ASIC2: variants seen among roughly 807,000 people sequenced by gnomAD.
ASIC2 encodes the protein acid-sensing ion channel 2.
Under a neutral mutation model 57.3 loss-of-function variants are expected in ASIC2, and 25 were observed. The observed-to-expected ratio is 0.44, with a 90% confidence interval of 0.32 to 0.61. The LOEUF is 0.61. Ranked by LOEUF, ASIC2 falls within the 20% of genes least tolerant of loss-of-function variation. ASIC2 has a pLI of 0.06. For missense variants in ASIC2, 641 were observed against 738.1 expected (o/e 0.87, Z 1.52); for synonymous variants, 319 against 307.5 (o/e 1.04, Z -0.39).
intron 1 of ASIC2, among the ~76,000 whole-genome samples, chr17:33,190,269 TAAAATAAA>T (rs1300951816): frequency 6.6e-6 from 1 of 152,090 alleles, no homozygotes; most frequent in Non-Finnish European, 1.5e-5. Context: ...GGTTGGAAAT[TAAAATAAA>T]AAACCATTTA....
chr17:33,869,630 C>A (rs564582561), intron 1 of ASIC2, among the ~76,000 whole-genome samples: 1 of 152,018 alleles, frequency 6.6e-6, no homozygotes, highest in Non-Finnish European at 1.5e-5. Flanking sequence ...AGTAAAAGAA[C>A]AAAGTTAGAA....
intron 1 of ASIC2, among the ~76,000 whole-genome samples, chr17:33,924,600 G>A (rs995314418): frequency 7.9e-5 from 12 of 152,214 alleles, no homozygotes; most frequent in Non-Finnish European, 1.5e-4. Context: ...CTTGCCTAGT[G>A]TGAAGTGGAT....
intron 1 of ASIC2, among the ~76,000 whole-genome samples, chr17:34,045,359 C>A (rs558653788): frequency 6.6e-6 from 1 of 152,164 alleles, no homozygotes; most frequent in Non-Finnish European, 1.5e-5. Flanking sequence ...TACTTCTACA[C>A]GAATTAACAC....
intron 1 of ASIC2, among the ~76,000 whole-genome samples, chr17:33,441,727 A>G (rs1911829113): frequency 6.6e-6 from 1 of 152,222 alleles, no homozygotes; most frequent in South Asian, 2.1e-4. Context: ...CTGAATAAAT[A>G]GACCTTGCAA....
chr17:33,858,370 C>A (rs1914016600), intron 1 of ASIC2, among the ~76,000 whole-genome samples: 1 of 152,222 alleles, frequency 6.6e-6, no homozygotes, highest in African/African-American at 2.4e-5. Context: ...GGCTGCCCTG[C>A]AGGGTCCAGC....
intron 1 of ASIC2, among the ~76,000 whole-genome samples, chr17:33,418,189 C>A (rs1376000758): frequency 6.6e-6 from 1 of 152,046 alleles, no homozygotes; most frequent in Non-Finnish European, 1.5e-5. Flanking sequence ...TAGTTTGAAA[C>A]TCCACAGTGC....
intron 3 of ASIC2, among the ~76,000 whole-genome samples, chr17:33,069,341 A>G (rs949764496): frequency 6.6e-6 from 1 of 152,182 alleles, no homozygotes; most frequent in Non-Finnish European, 1.5e-5. Context: ...ATAAGCCATC[A>G]TTGGGTCAAC....
At chr17:33,746,317 CAT>C (rs1401695846) in intron 1 of ASIC2, among the ~76,000 whole-genome samples, 2 of 147,586 alleles carry the variant, frequency 1.4e-5, no homozygotes, top group South Asian at 2.1e-4. Flanking sequence ...TACATGTACA[CAT>C]ATATACATAT....
intron 1 of ASIC2, among the ~76,000 whole-genome samples, chr17:34,133,696 C>T (rs1458332779): frequency 6.6e-6 from 1 of 152,210 alleles, no homozygotes; most frequent in Non-Finnish European, 1.5e-5. Flanking sequence ...TGCTAAGGGC[C>T]ACCTGCTGTA....
At chr17:33,522,986 A>C (rs1914787269) in intron 1 of ASIC2, among the ~76,000 whole-genome samples, 1 of 138,606 alleles carries the variant, frequency 7.2e-6, no homozygotes, top group South Asian at 2.3e-4. Context: ...GCCAGGTTGC[A>C]GGAAGGAAAG....
intron 1 of ASIC2, among the ~76,000 whole-genome samples, chr17:33,545,402 A>G (rs986387530): frequency 6.6e-6 from 1 of 152,178 alleles, no homozygotes; most frequent in Admixed American, 6.5e-5. Context: ...GTCTGATCTT[A>G]GGGACATTAA....
intron 1 of ASIC2, among the ~76,000 whole-genome samples, chr17:33,934,403 C>T (rs1043228180): frequency 5.3e-5 from 8 of 152,248 alleles, no homozygotes; most frequent in African/African-American, 1.9e-4. Context: ...TATGATGCCA[C>T]ACCTTGAGGA....
chr17:34,011,647 C>T (rs990635498), intron 1 of ASIC2, among the ~76,000 whole-genome samples: 4 of 152,164 alleles, frequency 2.6e-5, no homozygotes, highest in African/African-American at 9.7e-5. Flanking sequence ...CCTCCCAGCA[C>T]TCCTCAGCCC....
intron 3 of ASIC2, among the ~76,000 whole-genome samples, chr17:33,044,739 A>T (rs1203612505): frequency 6.6e-6 from 1 of 152,206 alleles, no homozygotes; most frequent in African/African-American, 2.4e-5. Flanking sequence ...ATAAGATATG[A>T]TTCCTACACC....
intron 1 of ASIC2, among the ~76,000 whole-genome samples, chr17:34,129,561 T>C (rs1012902548): frequency 3.3e-5 from 5 of 152,042 alleles, no homozygotes; most frequent in African/African-American, 1.2e-4. Flanking sequence ...TTCTCTAGAG[T>C]GTTAAAAGGT....
At chr17:33,155,414 G>A (rs1904962446) in intron 1 of ASIC2, among the ~76,000 whole-genome samples, 1 of 152,072 alleles carries the variant, frequency 6.6e-6, no homozygotes, top group Non-Finnish European at 1.5e-5. Flanking sequence ...CTTCTGAATA[G>A]CTTTAGATAC....
chr17:33,473,155 G>T (rs1440334094), intron 1 of ASIC2, among the ~76,000 whole-genome samples: 4 of 152,216 alleles, frequency 2.6e-5, no homozygotes, highest in African/African-American at 2.4e-5. Context: ...TCTTGAGCAG[G>T]AAGGATCTGA....
intron 1 of ASIC2, among the ~76,000 whole-genome samples, chr17:33,413,900 G>A (rs147882724): frequency 3.9e-5 from 6 of 152,248 alleles, no homozygotes; most frequent in Non-Finnish European, 5.9e-5. Context: ...TTTCTCCCTG[G>A]CATGCAAGCT....
chr17:33,838,540 G>T (rs1913338068), intron 1 of ASIC2, among the ~76,000 whole-genome samples: 1 of 152,178 alleles, frequency 6.6e-6, no homozygotes, highest in South Asian at 2.1e-4. Context: ...AATGGTGGTT[G>T]TGTGATAGTA....
Sources: allele counts gnomAD v4.1 joint callset (sites outside exome capture counted in the v4.1 genomes callset), GRCh38; gene constraint gnomAD v4.1.1; transcripts MANE v1.5; gene names NCBI Gene and HGNC (gene_info 2026-07-23, HGNC 2026-07-21).